Variants in CSMD1 observed in about 807,000 individuals in gnomAD.
CSMD1 encodes the protein CUB and Sushi multiple domains 1.
In CSMD1, 213 loss-of-function variants were observed where a neutral mutation model predicts 417.5. The observed-to-expected ratio is 0.51, with a 90% CI of 0.46 to 0.57. The LOEUF is 0.57. Among genes scored for constraint, CSMD1 ranks in the 20% least tolerant of loss-of-function variants. The probability of loss-of-function intolerance (pLI) is 0.00; values close to 1 mark genes in which losing one functional copy is unlikely to be tolerated. For synonymous variants in CSMD1, 2,862 were observed against 1,736.8 expected, an observed-to-expected ratio of 1.65 and a Z score of -16.11; for missense variants, 6,923 against 4,529.7, an observed-to-expected ratio of 1.53 and a Z score of -15.17.
chr8:4,739,279 G>T (rs1457186), intron 1 of CSMD1, among the ~76,000 whole-genome samples: 1 of 151,986 alleles, frequency 6.6e-6, no homozygotes, highest in African/African-American at 2.4e-5. Context: ...AATTTCACTT[G>T]GAACTCCTAC....
At chr8:3,723,618 T>C (rs555176746) in intron 6 of CSMD1, among the ~76,000 whole-genome samples, 20 of 152,158 alleles carry the variant, frequency 1.3e-4, no homozygotes, top group African/African-American at 4.8e-4. Context: ...CAAGAAAATA[T>C]TAGAATTTTA....
chr8:3,123,492 C>T (rs1036740834), intron 41 of CSMD1, among the ~76,000 whole-genome samples: 1 of 152,130 alleles, frequency 6.6e-6, no homozygotes, highest in Non-Finnish European at 1.5e-5. Context: ...TTATTATTCT[C>T]TTTTAGAATG....
At chr8:4,038,328 T>C (rs967592769) in intron 3 of CSMD1, among the ~76,000 whole-genome samples, 2 of 152,182 alleles carry the variant, frequency 1.3e-5, no homozygotes, top group African/African-American at 2.4e-5. Flanking sequence ...CATAGTATTA[T>C]AAATCCATTA....
rs1554431379 is a variant in CSMD1, at chr8:3,120,707, G to GGA, written c.6242-2121_6242-2120insTC. On this transcript the variant is annotated intron_variant, in intron 41 of 69. Transcript: ENST00000635120. Reference sequence around the variant, plus strand: ...ACTAAAAATACAAAAATTAGCCAGGGGGGGTGACCGGCACCTGTAATCCCA... The same window carrying GGA: ...ACTAAAAATACAAAAATTAGCCAGGGGAGGGGTGACCGGCACCTGTAATCCCA... Among the ~76,000 whole-genome samples, 5 of 137,318 alleles carry GGA rather than the reference G, an allele frequency of 3.6e-5. No individual in the cohort carries two copies. The East Asian group carries it at 1.1e-3, about 31-fold the overall frequency. 90.1% of individuals were successfully genotyped at this position (137,318 alleles called of 152,430 possible). A position where few individuals can be genotyped will look rare whatever the true frequency, so the allele number is the denominator to read the frequency against.
intron 33 of CSMD1, among the ~76,000 whole-genome samples, chr8:3,196,189 C>G (rs1394238529): frequency 6.6e-6 from 1 of 152,160 alleles, no homozygotes; most frequent in African/African-American, 2.4e-5. Context: ...ACACTCCCAC[C>G]AGCACGATGA....
intron 3 of CSMD1, among the ~76,000 whole-genome samples, chr8:4,413,157 G>A (rs1030771028): frequency 1.3e-5 from 2 of 152,184 alleles, no homozygotes; most frequent in Admixed American, 1.3e-4. Flanking sequence ...CAGTGGACCA[G>A]AATAATCAGA....
Position 4,327,306 on chromosome 8 carries a change from C to A in CSMD1, c.415+92647G>T, listed in dbSNP as rs1799617252. Among the ~76,000 whole-genome samples, 3 of 152,180 alleles carry A rather than the reference C, an allele frequency of 2.0e-5. No individual in the cohort carries two copies. The East Asian group carries it at 5.8e-4, about 29-fold the overall frequency. ...GTATCTCTTTTACATTTTTCTCTTC[C>A]TTCTTTTCAAGAGCAATTTTAAGAG... On this transcript the variant is annotated intron_variant, in intron 3 of 69. Transcript: ENST00000635120.
chr8:4,110,238 G>A (rs1002539000), intron 3 of CSMD1, among the ~76,000 whole-genome samples: 8 of 152,186 alleles, frequency 5.3e-5, no homozygotes, highest in East Asian at 1.9e-4. Flanking sequence ...AATAAAACAA[G>A]ACTGAAAGCT....
intron 1 of CSMD1, among the ~76,000 whole-genome samples, chr8:4,834,873 C>T (rs575552522): frequency 2.0e-4 from 27 of 134,326 alleles, no homozygotes; most frequent in East Asian, 9.6e-4. Context: ...AGGAGAAAGG[C>T]GGAAACCCGG....
chr8:4,172,862 G>A (rs112359388), intron 3 of CSMD1, among the ~76,000 whole-genome samples: 34 of 152,182 alleles, frequency 2.2e-4, no homozygotes, highest in South Asian at 8.3e-4. Flanking sequence ...AGCCGTGTGC[G>A]TAGGCATAAA....
At chr8:3,826,671 G>C (rs1033973648) in intron 5 of CSMD1, among the ~76,000 whole-genome samples, 5 of 152,178 alleles carry the variant, frequency 3.3e-5, no homozygotes, top group Non-Finnish European at 7.3e-5. Context: ...CATGGGTTTT[G>C]AGGAACCAAC....
chr8:3,504,328 G>GA, intron 10 of CSMD1, among the ~76,000 whole-genome samples: 1 of 152,104 alleles, frequency 6.6e-6, no homozygotes. Flanking sequence ...CTTACTCAAC[G>GA]AGAGTCTTGA....
At chr8:3,198,705 T>C (rs1392285733) in intron 33 of CSMD1, among the ~76,000 whole-genome samples, 1 of 152,168 alleles carries the variant, frequency 6.6e-6, no homozygotes, top group Non-Finnish European at 1.5e-5. Context: ...TTTCCCAATT[T>C]GAGATGATTA....
intron 6 of CSMD1, among the ~76,000 whole-genome samples, chr8:3,752,874 T>A (rs946516880): frequency 2.6e-5 from 4 of 152,000 alleles, no homozygotes; most frequent in African/African-American, 9.7e-5. Context: ...CTACTGGTCA[T>A]CCTGAAGGAA....
At chr8:3,259,671 C>G (rs927500204) in intron 26 of CSMD1, among the ~76,000 whole-genome samples, 86 of 152,110 alleles carry the variant, frequency 5.7e-4, no homozygotes, top group Non-Finnish European at 9.7e-4. Flanking sequence ...AGTTTCTACC[C>G]CATCCTGAAA....
chr8:3,353,224 T>A (rs549841212), intron 21 of CSMD1, among the ~76,000 whole-genome samples: 13 of 152,324 alleles, frequency 8.5e-5, no homozygotes, highest in African/African-American at 2.6e-4. Context: ...ACTTTCTGAA[T>A]GGGATGGGTT....
At chr8:4,033,428 C>G (rs1440813815) in intron 3 of CSMD1, among the ~76,000 whole-genome samples, 2 of 152,206 alleles carry the variant, frequency 1.3e-5, no homozygotes, top group East Asian at 3.9e-4. Context: ...GGTGACAGAG[C>G]GAGACTCCGC....
At chr8:4,559,361 T>G (rs558365889) in intron 2 of CSMD1, among the ~76,000 whole-genome samples, 1 of 152,222 alleles carries the variant, frequency 6.6e-6, no homozygotes, top group Non-Finnish European at 1.5e-5. Context: ...CTGGTTATGT[T>G]ATAAAATATT....
intron 7 of CSMD1, among the ~76,000 whole-genome samples, chr8:3,703,251 G>A (rs180952544): frequency 6.6e-6 from 1 of 152,278 alleles, no homozygotes; most frequent in East Asian, 1.9e-4. Context: ...GCTGCCCTAT[G>A]TGGTTAGGTT....
Sources: gnomAD v4.1 joint callset for allele counts (sites outside exome capture counted in the v4.1 genomes callset) on GRCh38, gnomAD v4.1.1 for gene constraint, MANE v1.5 for transcripts, NCBI Gene and HGNC (gene_info 2026-07-23, HGNC 2026-07-21) for gene names.